Variants in ROBO2 observed in about 807,000 individuals in gnomAD.
ROBO2 encodes the protein roundabout homolog 2.
In ROBO2, 53 loss-of-function variants were observed where a neutral mutation model predicts 160.8. That is an observed-to-expected ratio of 0.33 (90% CI 0.26 to 0.41). The LOEUF (loss-of-function observed/expected upper bound fraction) is 0.41, where lower values mean the gene tolerates loss of function less well. ROBO2 is among the 10% of genes least tolerant of loss of function. The pLI, the probability that ROBO2 is intolerant of heterozygous loss-of-function variation, is 1.00. For missense variants in ROBO2, 1,577 were observed against 1,722.4 expected, an observed-to-expected ratio of 0.92 and a Z score of 1.49; for synonymous variants, 664 against 611.7, an observed-to-expected ratio of 1.09 and a Z score of -1.26.
chr3:77,366,884 TCTCACAGCACCCCCCCGACA>T (rs2070963750), intron 2 of ROBO2, among the ~76,000 whole-genome samples: 1 of 134,242 alleles, frequency 7.4e-6, no homozygotes, highest in African/African-American at 2.6e-5. Flanking sequence ...TAGTGAGAAC[TCTCACAGCACCCCCCCGACA>T]CTCACAGTCC....
chr3:77,137,602 C>A (rs562011858), intron 2 of ROBO2, among the ~76,000 whole-genome samples: 1 of 152,180 alleles, frequency 6.6e-6, no homozygotes, highest in Non-Finnish European at 1.5e-5. Context: ...AAATAACAAA[C>A]AAAATGATGA....
intron 2 of ROBO2, among the ~76,000 whole-genome samples, chr3:76,276,828 A>T (rs534889027): frequency 6.6e-6 from 1 of 152,112 alleles, no homozygotes; most frequent in South Asian, 2.1e-4. Context: ...GTACTGTCCA[A>T]CAGAAATATA....
In ROBO2 at chr3:76,614,502, G is replaced by C. The variant is rs112583837; in HGVS notation, c.110-483512G>C. 3.0e-3 allele frequency among the ~76,000 whole-genome samples: 462 copies of C among 152,074 alleles called. 1 individual carries two copies. Among genetic ancestry groups the C allele is most frequent in the African/African-American group, 0.011 (448 of 41,518 alleles). On this transcript the variant is annotated intron_variant, in intron 2 of 26. Transcript: ENST00000487694. ...GAAGACAAACCATTGTTCTCTGTGA[G>C]AGTTTTTTTTTAATTTTTATGAACT... is the stretch of plus-strand genomic sequence containing the variant.
At chr3:76,284,905 A>G (rs1015481814) in intron 2 of ROBO2, among the ~76,000 whole-genome samples, 6 of 152,090 alleles carry the variant, frequency 3.9e-5, no homozygotes, top group African/African-American at 1.2e-4. Context: ...TCAGATCACA[A>G]TCCAATCTCA....
chr3:76,653,773 G>T (rs1160862601), intron 2 of ROBO2, among the ~76,000 whole-genome samples: 1 of 152,036 alleles, frequency 6.6e-6, no homozygotes, highest in Non-Finnish European at 1.5e-5. Context: ...TTATGCAAAG[G>T]GGCAGCAGAC....
intron 2 of ROBO2, among the ~76,000 whole-genome samples, chr3:77,381,991 T>C (rs2073539062): frequency 6.6e-6 from 1 of 152,134 alleles, no homozygotes. Flanking sequence ...TTCAATCCCT[T>C]CTCACCATTA....
chr3:76,818,386 T>C (rs1404561041), intron 2 of ROBO2, among the ~76,000 whole-genome samples: 2 of 152,102 alleles, frequency 1.3e-5, no homozygotes, highest in Non-Finnish European at 2.9e-5. Flanking sequence ...TTGTAGATTC[T>C]GGATATTAGT....
chr3:76,544,682 A>G (rs994785957), intron 2 of ROBO2, among the ~76,000 whole-genome samples: 1 of 152,020 alleles, frequency 6.6e-6, no homozygotes, highest in South Asian at 2.1e-4. Context: ...CCTAGATTCA[A>G]ATTTCAGGTT....
At chr3:76,420,528 C>A (rs2075951150) in intron 2 of ROBO2, among the ~76,000 whole-genome samples, 1 of 152,108 alleles carries the variant, frequency 6.6e-6, no homozygotes, top group Non-Finnish European at 1.5e-5. Context: ...ACATTTAAGA[C>A]AAGAATTAGT....
chr3:76,863,454 GA>G (rs1342175740), intron 2 of ROBO2, among the ~76,000 whole-genome samples: 5 of 111,728 alleles, frequency 4.5e-5, no homozygotes, highest in East Asian at 8.4e-4. Flanking sequence ...AAAGAAAAAA[GA>G]AAAGAAAAGA....
intron 2 of ROBO2, among the ~76,000 whole-genome samples, chr3:76,130,751 A>T (rs1406362952): frequency 6.6e-6 from 1 of 152,166 alleles, no homozygotes; most frequent in African/African-American, 2.4e-5. Context: ...ATAACAATTC[A>T]TGTTCTAAAA....
At chr3:76,462,717 G>A (rs2078152995) in intron 2 of ROBO2, among the ~76,000 whole-genome samples, 1 of 152,144 alleles carries the variant, frequency 6.6e-6, no homozygotes, top group Non-Finnish European at 1.5e-5. Context: ...ATGCATGAAT[G>A]TATGTAAGAA....
intron 2 of ROBO2, among the ~76,000 whole-genome samples, chr3:76,828,921 A>T (rs1020751415): frequency 2.6e-5 from 4 of 151,710 alleles, no homozygotes; most frequent in Non-Finnish European, 5.9e-5. Flanking sequence ...TTTCCTCTGG[A>T]GAACTCACAC....
chr3:76,248,486 T>G, intron 2 of ROBO2, among the ~76,000 whole-genome samples: 1 of 139,034 alleles, frequency 7.2e-6, no homozygotes, highest in Non-Finnish European at 1.5e-5. Context: ...CTCTGGGGAC[T>G]GTGGTGGGGT....
At chr3:76,823,427 T>C (rs1039975449) in intron 2 of ROBO2, among the ~76,000 whole-genome samples, 12 of 152,312 alleles carry the variant, frequency 7.9e-5, no homozygotes, top group African/African-American at 2.9e-4. Flanking sequence ...TTTGATACTC[T>C]TCAAATTAAA....
intron 16 of ROBO2, among the ~76,000 whole-genome samples, chr3:77,584,327 C>T (rs773723312): frequency 3.7e-4 from 57 of 152,076 alleles, no homozygotes; most frequent in Non-Finnish European, 6.3e-4. Context: ...TCTGGTAAAG[C>T]GCCGTTCATT....
intron 2 of ROBO2, among the ~76,000 whole-genome samples, chr3:76,397,612 T>A (rs1165262384): frequency 6.6e-6 from 1 of 151,354 alleles, no homozygotes; most frequent in Non-Finnish European, 1.5e-5. Context: ...TACAATGAAC[T>A]CAAACAAATT....
At chr3:76,620,785 T>C (rs1041859831) in intron 2 of ROBO2, among the ~76,000 whole-genome samples, 1 of 152,106 alleles carries the variant, frequency 6.6e-6, no homozygotes, top group Non-Finnish European at 1.5e-5. Flanking sequence ...TTCTATATTA[T>C]AAGTAAGAAA....
chr3:77,489,215 C>T (rs568957085), intron 4 of ROBO2, among the ~76,000 whole-genome samples: 17 of 152,220 alleles, frequency 1.1e-4, no homozygotes, highest in South Asian at 6.2e-4. Flanking sequence ...TATGTGCAGG[C>T]GACTTTCATC....
Sources: allele counts gnomAD v4.1 joint callset (sites outside exome capture counted in the v4.1 genomes callset), GRCh38; gene constraint gnomAD v4.1.1; transcripts MANE v1.5; gene names NCBI Gene and HGNC (gene_info 2026-07-23, HGNC 2026-07-21).